Variants in TRPM3 observed in about 807,000 individuals in gnomAD.
The protein encoded by TRPM3 is long transient receptor potential channel 3.
Under a neutral mutation model 181.2 loss-of-function variants are expected in TRPM3, and 77 were observed. The ratio of observed to expected loss-of-function variants is 0.42; its 90% CI spans 0.35 to 0.51. The LOEUF (loss-of-function observed/expected upper bound fraction) is 0.51. Among genes scored for constraint, TRPM3 ranks in the 20% least tolerant of loss-of-function variants. The pLI is 0.01. For missense variants in TRPM3, 1,759 were observed against 2,196.7 expected (o/e 0.80, Z 3.98); for synonymous variants, 745 against 796.4 (o/e 0.94, Z 1.09).
At chr9:70,839,733 T>C (rs2094526927) in intron 5 of TRPM3, among the ~76,000 whole-genome samples, 1 of 152,158 alleles carries the variant, frequency 6.6e-6, no homozygotes, top group South Asian at 2.1e-4. Context: ...TATTCTGGAG[T>C]ATAAACAGAC....
chr9:70,842,959 C>G (rs2094775844), intron 5 of TRPM3, 44 bp downstream of exon 5: 2 of 1,592,400 alleles, frequency 1.3e-6, no homozygotes, highest in Non-Finnish European at 1.7e-6. Context: ...TTCTGATATC[C>G]CCTCTAGGAG....
intron 1 of TRPM3, among the ~76,000 whole-genome samples, chr9:71,228,957 G>GA (rs981502667): frequency 6.6e-6 from 1 of 151,950 alleles, no homozygotes; most frequent in African/African-American, 2.4e-5. Context: ...CACAGAAGTA[G>GA]AAAAAAAGAT....
At chr9:71,328,393 C>T (rs1204673402) in intron 1 of TRPM3, among the ~76,000 whole-genome samples, 2 of 152,150 alleles carry the variant, frequency 1.3e-5, no homozygotes, top group African/African-American at 2.4e-5. Flanking sequence ...GTCTCAATCT[C>T]CTGACCTCGT....
chr9:71,312,908 T>A (rs773167250), intron 1 of TRPM3, among the ~76,000 whole-genome samples: 1 of 152,080 alleles, frequency 6.6e-6, no homozygotes, highest in South Asian at 2.1e-4. Context: ...GAGAGATGAA[T>A]AGGCAGAGCA....
intron 1 of TRPM3, among the ~76,000 whole-genome samples, chr9:71,268,214 T>C (rs1471379459): frequency 6.6e-6 from 1 of 151,030 alleles, no homozygotes; most frequent in African/African-American, 2.4e-5. Flanking sequence ...AACAATGCCC[T>C]ACTAAAAATA....
chr9:70,820,005 A>C (rs561022), intron 6 of TRPM3, among the ~76,000 whole-genome samples: 1 of 151,908 alleles, frequency 6.6e-6, no homozygotes, highest in African/African-American at 2.4e-5. Flanking sequence ...AATATTTCAA[A>C]ATATAGTCTC....
chr9:71,439,401 T>C lies in TRPM3; in HGVS notation c.183+7252A>G, dbSNP rs1362624893. ...CTCTGACCAGACACTGAATTAACTA[T>C]ACACATCAATACACTTAATGTTCAT... On this transcript the variant is annotated intron_variant, in intron 1 of 24. Transcript: ENST00000357533. Among the ~76,000 whole-genome samples, 4 of 152,228 alleles carry C rather than the reference T, an allele frequency of 2.6e-5. No homozygotes were observed. The East Asian group carries it at 5.8e-4, about 22-fold the overall frequency.
At chr9:71,395,698 TC>T (rs2093174356) in intron 1 of TRPM3, among the ~76,000 whole-genome samples, 1 of 152,246 alleles carries the variant, frequency 6.6e-6, no homozygotes, top group African/African-American at 2.4e-5. Flanking sequence ...GTCTTAAAAT[TC>T]TAGTTAATTA....
At chr9:71,415,005 G>C (rs1285058840) in intron 1 of TRPM3, among the ~76,000 whole-genome samples, 2 of 152,038 alleles carry the variant, frequency 1.3e-5, no homozygotes, top group African/African-American at 4.8e-5. Flanking sequence ...ATATGATTGA[G>C]TTAAGGATCT....
rs181819352 is a variant in TRPM3, at chr9:70,982,988, C to G, written c.178-118477G>C. ...TGCTGGGACTATAGGGGTGAGCCAC[C>G]ACACCTGGCCAAGTTCTCTAAATTT... On this transcript the variant is annotated intron_variant, in intron 1 of 25. Transcript: ENST00000677713. Among the ~76,000 whole-genome samples, 3 of 152,264 alleles carry G rather than the reference C, an allele frequency of 2.0e-5. No individual in the cohort carries two copies. In the East Asian group the frequency reaches 5.8e-4, roughly 29 times the overall value.
At chr9:71,258,140 T>C (rs555553295) in intron 1 of TRPM3, among the ~76,000 whole-genome samples, 239 of 152,338 alleles carry the variant, frequency 1.6e-3, no homozygotes, top group African/African-American at 5.5e-3. Flanking sequence ...GCACATTTTC[T>C]AGGTAAATTA....
chr9:71,407,458 C>A (rs561412754), intron 1 of TRPM3, among the ~76,000 whole-genome samples: 1 of 152,206 alleles, frequency 6.6e-6, no homozygotes, highest in Non-Finnish European at 1.5e-5. Flanking sequence ...CCAATGCCCA[C>A]GGGGCCTTGC....
In TRPM3 at chr9:70,640,555, T is replaced by C. The variant is rs1288640145; in HGVS notation, c.1446+5A>G. The C allele has an allele frequency of 6.2e-7, 1 of 1,611,758 alleles. No homozygotes were observed. Reference sequence around the variant, plus strand: ...GCTTTTCATGGGAGACGATATATACTCTACCGGCCACTGTTGCCCGTAAAT... The same window carrying C: ...GCTTTTCATGGGAGACGATATATACCCTACCGGCCACTGTTGCCCGTAAAT... On this transcript the variant is annotated splice_donor_5th_base_variant and intron_variant, in intron 10 of 25. Transcript: ENST00000677713.
At chr9:70,628,436 A>G (rs898086656) in intron 12 of TRPM3, among the ~76,000 whole-genome samples, 2 of 152,234 alleles carry the variant, frequency 1.3e-5, no homozygotes, top group Non-Finnish European at 2.9e-5. Flanking sequence ...TTCAAAGGCC[A>G]GGTTTCAGGA....
chr9:70,621,210 A>G (rs563842116), intron 15 of TRPM3, 34 bp downstream of exon 15: 23 of 1,541,444 alleles, frequency 1.5e-5, no homozygotes, highest in Admixed American at 3.7e-5. Flanking sequence ...AAGAGAATAA[A>G]TCATTGACAC....
intron 6 of TRPM3, among the ~76,000 whole-genome samples, chr9:70,799,567 C>T (rs2131189058): frequency 6.6e-6 from 1 of 152,288 alleles, no homozygotes. Context: ...CAGGGAGCTC[C>T]ATTAGAATGG....
chr9:70,533,997 A>G lies in TRPM3; in HGVS notation c.*1956T>C, dbSNP rs1371798088. 2 of 152,234 alleles carry G rather than the reference A, an allele frequency of 1.3e-5. No individual in the cohort carries two copies. Among genetic ancestry groups the G allele is most frequent in the Non-Finnish European group, 2.9e-5 (2 of 68,040 alleles). 9.4% of individuals were successfully genotyped at this position (152,234 alleles called of 1,614,324 possible). On this transcript the variant is annotated 3_prime_UTR_variant, in exon 26 of 26. Coordinates refer to ENST00000677713, the MANE Select transcript of TRPM3 (RefSeq NM_001366145.2). Reference sequence around the variant, plus strand: ...TCAATTATAATTAAACAAAAGAACCAGGTAGTATCTCAGGCCAGGAACAAT... The same window carrying G: ...TCAATTATAATTAAACAAAAGAACCGGGTAGTATCTCAGGCCAGGAACAAT...
intron 1 of TRPM3, among the ~76,000 whole-genome samples, chr9:70,942,754 A>G (rs1422847707): frequency 6.6e-6 from 1 of 152,206 alleles, no homozygotes; most frequent in East Asian, 1.9e-4. Context: ...ACCTCTGTGG[A>G]TCATCCATAA....
intron 1 of TRPM3, among the ~76,000 whole-genome samples, chr9:71,338,172 C>G (rs1035914839): frequency 2.0e-5 from 3 of 152,018 alleles, no homozygotes; most frequent in African/African-American, 7.2e-5. Context: ...TCAGCCATCC[C>G]TTTTTGAACC....
Sources: gnomAD v4.1 joint callset for allele counts (sites outside exome capture counted in the v4.1 genomes callset) on GRCh38, gnomAD v4.1.1 for gene constraint, MANE v1.5 for transcripts, NCBI Gene and HGNC (gene_info 2026-07-23, HGNC 2026-07-21) for gene names.